The following TWIST2 variants were observed in gnomAD, a reference collection of about 807,000 sequenced individuals.
The protein encoded by TWIST2 is twist-related protein 2.
Under a neutral mutation model 11.6 loss-of-function variants are expected in TWIST2, and 1 was observed. The observed-to-expected ratio is 0.09, with a 90% confidence interval of 0.03 to 0.41. TWIST2 has a LOEUF of 0.41. Among genes scored for constraint, TWIST2 ranks in the 10% least tolerant of loss-of-function variants. TWIST2 has a pLI of 0.98. For missense variants in TWIST2, 168 were observed against 226.4 expected, an observed-to-expected ratio of 0.74 and a Z score of 1.66; for synonymous variants, 87 against 96.6, an observed-to-expected ratio of 0.90 and a Z score of 0.58.
At chr2:238,856,595 T>C (rs1342624711) in intron 1 of TWIST2, among the ~76,000 whole-genome samples, 2 of 152,222 alleles carry the variant, frequency 1.3e-5, no homozygotes, top group South Asian at 2.1e-4. Context: ...TCAAGTGATA[T>C]ATGAAGAATT....
chr2:238,867,835 G>A lies in TWIST2; in HGVS notation c.*35+19102G>A, dbSNP rs1353254017. 6.6e-6 allele frequency among the ~76,000 whole-genome samples: 1 copy of A among 152,168 alleles called. No individual in the cohort carries two copies. The highest frequency in any genetic ancestry group is 1.5e-5 in the Non-Finnish European group (1 of 68,030). ...GAGCTGAGGGGCATCCCTCGAAGGC[G>A]GGAGGGAGAGAAGTGGGAGGCAAAG... On this transcript the variant is annotated intron_variant, in intron 1 of 1. Coordinates refer to ENST00000612363, the MANE Select transcript of TWIST2 (RefSeq NM_001271893.4). This position sits in a 1 kb window ranked among gnomAD's most constrained non-coding sequence, Gnocchi z 4.8.
At chr2:238,875,444 A>T (rs1223033319) in intron 1 of TWIST2, among the ~76,000 whole-genome samples, 1 of 152,146 alleles carries the variant, frequency 6.6e-6, no homozygotes, top group African/African-American at 2.4e-5. Context: ...CAACCAAAAG[A>T]TCAAAGATGA....
chr2:238,872,862 G>A lies in TWIST2; in HGVS notation c.*35+24129G>A, dbSNP rs1383222289. Reference sequence around the variant, plus strand: ...TGGTTTTGCGTAGCTGGTATCATGTGGGGCAGCTGCAGGGTCCTTCGTGTT... The same window carrying A: ...TGGTTTTGCGTAGCTGGTATCATGTAGGGCAGCTGCAGGGTCCTTCGTGTT... On this transcript the variant is annotated intron_variant, in intron 1 of 1. Transcript: ENST00000612363. 2.0e-5 allele frequency among the ~76,000 whole-genome samples: 3 copies of A among 152,316 alleles called. No individual in the cohort carries two copies. In the East Asian group the frequency reaches 5.8e-4, roughly 29 times the overall value.
At chr2:238,885,615 T>C (rs2106367079) in intron 1 of TWIST2, among the ~76,000 whole-genome samples, 1 of 152,154 alleles carries the variant, frequency 6.6e-6, no homozygotes, top group Middle Eastern at 3.4e-3. Context: ...TGGTACAAAT[T>C]CACCATCAGG....
At chr2:238,907,753 A>G (rs1327038607) in intron 1 of TWIST2, among the ~76,000 whole-genome samples, 1 of 127,612 alleles carries the variant, frequency 7.8e-6, no homozygotes, top group African/African-American at 3.0e-5. Flanking sequence ...CACAACACAC[A>G]CACAAAAACA....
intron 1 of TWIST2, among the ~76,000 whole-genome samples, chr2:238,900,051 A>T (rs2106372645): frequency 6.6e-6 from 1 of 152,336 alleles, no homozygotes; most frequent in African/African-American, 2.4e-5. Flanking sequence ...TATAGATGGG[A>T]ATTATCTGTT....
chr2:238,901,767 C>T (rs1005222982), intron 1 of TWIST2, among the ~76,000 whole-genome samples: 3 of 152,094 alleles, frequency 2.0e-5, no homozygotes, highest in Non-Finnish European at 4.4e-5. Flanking sequence ...AGAGGAGTGG[C>T]TTTGTGGGGT....
chr2:238,905,871 G>A (rs1303602267), intron 1 of TWIST2, among the ~76,000 whole-genome samples: 1 of 56,846 alleles, frequency 1.8e-5, no homozygotes, highest in Non-Finnish European at 3.9e-5. Flanking sequence ...GTGTGCGTGC[G>A]TGTGTGTGCA....
intron 1 of TWIST2, among the ~76,000 whole-genome samples, chr2:238,889,982 G>A (rs1693103789): frequency 2.3e-5 from 2 of 86,642 alleles, no homozygotes; most frequent in African/African-American, 7.1e-5. Context: ...GGCCTGTGCG[G>A]AGGCTGCCCA....
chr2:238,878,675 C>T (rs989037527), intron 1 of TWIST2, among the ~76,000 whole-genome samples: 8 of 152,180 alleles, frequency 5.3e-5, no homozygotes, highest in Non-Finnish European at 7.4e-5. Context: ...CAGGAGGTAA[C>T]GCAGAACACA....
chr2:238,880,501 TCAG>T (rs1259774237), intron 1 of TWIST2, among the ~76,000 whole-genome samples: 2 of 99,624 alleles, frequency 2.0e-5, no homozygotes, highest in Non-Finnish European at 4.0e-5. Flanking sequence ...AGTGTTAGTG[TCAG>T]CATTAGTATT....
rs1692739481 is a variant in TWIST2, at chr2:238,873,174, G to A, written c.*35+24441G>A. On this transcript the variant is annotated intron_variant, in intron 1 of 1. Coordinates refer to ENST00000612363, the MANE Select transcript of TWIST2 (RefSeq NM_001271893.4). ...CCAGACCAAGGGGTGGCACTTTGGTGGATCTGTCGTTCAATCAACAAATAC... is the reference window on the plus strand; with the variant it reads ...CCAGACCAAGGGGTGGCACTTTGGTAGATCTGTCGTTCAATCAACAAATAC... 2.6e-5 allele frequency among the ~76,000 whole-genome samples: 4 copies of A among 152,168 alleles called. No individual in the cohort carries two copies. The South Asian group carries it at 8.3e-4, about 31-fold the overall frequency.
intron 1 of TWIST2, among the ~76,000 whole-genome samples, chr2:238,892,426 G>A (rs990254178): frequency 1.3e-5 from 2 of 152,196 alleles, no homozygotes; most frequent in Non-Finnish European, 2.9e-5. Context: ...CACTCATCCT[G>A]TCCTGCCCCT....
intron 1 of TWIST2, among the ~76,000 whole-genome samples, chr2:238,894,939 CGTACTTTTATT>C (rs1402490727): frequency 2.0e-5 from 3 of 152,204 alleles, no homozygotes; most frequent in African/African-American, 4.8e-5. Flanking sequence ...CAGACCTGAA[CGTACTTTTATT>C]GTACTTTTAT....
At chr2:238,871,350 C>T (rs1420370416) in intron 1 of TWIST2, among the ~76,000 whole-genome samples, 1 of 67,342 alleles carries the variant, frequency 1.5e-5, no homozygotes, top group Non-Finnish European at 2.9e-5. Flanking sequence ...CACCACACCC[C>T]ACACACACAG....
At chr2:238,882,314 G>T (rs1165409238) in intron 1 of TWIST2, among the ~76,000 whole-genome samples, 1 of 152,122 alleles carries the variant, frequency 6.6e-6, no homozygotes, top group Non-Finnish European at 1.5e-5. Flanking sequence ...CCTCTTTCCA[G>T]CCCATCCAGT....
At chr2:238,882,742 G>A (rs577015471) in intron 1 of TWIST2, among the ~76,000 whole-genome samples, 20 of 152,328 alleles carry the variant, frequency 1.3e-4, no homozygotes, top group Admixed American at 4.6e-4. Context: ...GTCCCATGAT[G>A]AGGGAACTTC....
chr2:238,873,566 C>G (rs540082994), intron 1 of TWIST2, among the ~76,000 whole-genome samples: 1 of 152,258 alleles, frequency 6.6e-6, no homozygotes, highest in Non-Finnish European at 1.5e-5. Context: ...CACACAAGAG[C>G]TACGGGGTCC....
At chr2:238,889,751 G>T (rs35461684) in intron 1 of TWIST2, among the ~76,000 whole-genome samples, 83,583 of 152,186 alleles carry the variant, frequency 0.55, 23,140 homozygotes, top group Admixed American at 0.59. Context: ...TGTAAATGAC[G>T]GCTCTGATGC....
Sources: gnomAD v4.1 joint callset for allele counts (sites outside exome capture counted in the v4.1 genomes callset) on GRCh38, gnomAD v4.1.1 for gene constraint, Gnocchi (gnomAD v3.1) non-coding constraint, MANE v1.5 for transcripts, NCBI Gene and HGNC (gene_info 2026-07-23, HGNC 2026-07-21) for gene names.